Variants in STK39 observed in about 807,000 individuals in gnomAD.
STK39 encodes serine/threonine kinase 39.
A neutral mutation model predicts 77.8 loss-of-function variants in STK39; 20 were observed. The ratio of observed to expected loss-of-function variants is 0.26; its 90% CI spans 0.18 to 0.37. The LOEUF (loss-of-function observed/expected upper bound fraction) is 0.37, where lower values mean the gene tolerates loss of function less well. STK39 is among the 10% of genes least tolerant of loss of function. STK39 has a pLI of 1.00. For synonymous variants in STK39, 246 were observed against 234.1 expected (o/e 1.05, Z -0.47); for missense variants, 479 against 656.5 (o/e 0.73, Z 2.95).
intron 14 of STK39, among the ~76,000 whole-genome samples, chr2:168,023,049 A>G (rs918063618): frequency 1.3e-5 from 2 of 152,076 alleles, no homozygotes; most frequent in Non-Finnish European, 2.9e-5. Flanking sequence ...TGAGCAGCTT[A>G]AACTATGGGC....
In STK39 at chr2:168,229,129, G is replaced by C. The variant is rs370937331; in HGVS notation, c.208+18099C>G. ...TCACACCTGTAATATCAACACTTTG[G>C]GAGGTCAAGGCGGGTGGATCACAAG... On this transcript the variant is annotated intron_variant, in intron 1 of 17. Transcript: ENST00000355999. Among the ~76,000 whole-genome samples, 21 of 152,064 alleles carry C rather than the reference G, an allele frequency of 1.4e-4. No homozygotes were observed. The East Asian group carries it at 2.1e-3, about 15-fold the overall frequency.
At chr2:168,209,249 A>C (rs1399024580) in intron 1 of STK39, among the ~76,000 whole-genome samples, 1 of 152,220 alleles carries the variant, frequency 6.6e-6, no homozygotes, top group East Asian at 1.9e-4. Context: ...ACTTTTAATA[A>C]GTTAGATTTT....
chr2:168,206,337 G>C (rs1027856280), intron 1 of STK39, among the ~76,000 whole-genome samples: 2 of 133,180 alleles, frequency 1.5e-5, no homozygotes, highest in African/African-American at 5.7e-5. Context: ...TTTCTTTCTT[G>C]TTGCCCAGGC....
chr2:168,226,716 A>AG (rs777947842), intron 1 of STK39, among the ~76,000 whole-genome samples: 1 of 151,914 alleles, frequency 6.6e-6, no homozygotes, highest in Non-Finnish European at 1.5e-5. Context: ...TCTCACTATA[A>AG]CTCCCTCTTA....
At chr2:168,165,213 A>G (rs1441520183) in intron 3 of STK39, among the ~76,000 whole-genome samples, 1 of 152,204 alleles carries the variant, frequency 6.6e-6, no homozygotes, top group Non-Finnish European at 1.5e-5. Context: ...AAAATGAACA[A>G]GAGTCCACGT....
At chr2:167,992,381 C>T (rs1574373647) in intron 16 of STK39, among the ~76,000 whole-genome samples, 1 of 152,022 alleles carries the variant, frequency 6.6e-6, no homozygotes, top group South Asian at 2.1e-4. Flanking sequence ...TGTAGGCCAC[C>T]AGGTTGTAAC....
At chr2:168,014,032 G>A (rs1011127432) in intron 15 of STK39, among the ~76,000 whole-genome samples, 4 of 151,020 alleles carry the variant, frequency 2.6e-5, no homozygotes, top group East Asian at 1.9e-4. Flanking sequence ...GAGAAACTGT[G>A]GTATTCTGCC....
chr2:168,111,802 G>A (rs1165846712), intron 10 of STK39, among the ~76,000 whole-genome samples: 1 of 152,134 alleles, frequency 6.6e-6, no homozygotes, highest in Admixed American at 6.6e-5. Context: ...GATATGCAAT[G>A]TAAGAGCTTT....
chr2:168,099,387 T>C (rs1686760731), intron 10 of STK39, among the ~76,000 whole-genome samples: 2 of 152,242 alleles, frequency 1.3e-5, no homozygotes, highest in African/African-American at 4.8e-5. Context: ...CTTTGTTAGC[T>C]TTTTATTAAT....
chr2:168,006,921 C>A (rs926848721), intron 16 of STK39, among the ~76,000 whole-genome samples: 1 of 152,128 alleles, frequency 6.6e-6, no homozygotes, highest in Non-Finnish European at 1.5e-5. Context: ...TCGCGAAGGT[C>A]GGCACACTAA....
intron 1 of STK39, among the ~76,000 whole-genome samples, chr2:168,220,519 C>T (rs749502420): frequency 2.6e-5 from 4 of 152,130 alleles, no homozygotes; most frequent in Non-Finnish European, 4.4e-5. Flanking sequence ...CTTGGCAGAG[C>T]AGCGATTAAT....
At chr2:168,015,974 C>T (rs1051527822) in intron 15 of STK39, among the ~76,000 whole-genome samples, 7 of 152,194 alleles carry the variant, frequency 4.6e-5, no homozygotes, top group African/African-American at 1.7e-4. Context: ...GTCACCCAGG[C>T]TGGATCGCAG....
chr2:167,993,093 A>G (rs13410387), intron 16 of STK39, among the ~76,000 whole-genome samples: 18,975 of 152,312 alleles, frequency 0.12, 1,384 homozygotes, highest in Middle Eastern at 0.19. Flanking sequence ...ATATAAAAGC[A>G]ACGTAATAAG....
At chr2:168,043,134 T>C (rs1161418774) in intron 14 of STK39, among the ~76,000 whole-genome samples, 5 of 152,182 alleles carry the variant, frequency 3.3e-5, no homozygotes, top group African/African-American at 9.6e-5. Context: ...CTGACGGCTA[T>C]GAATACAAAA....
chr2:168,084,232 A>G (rs1396081375), intron 10 of STK39, among the ~76,000 whole-genome samples: 1 of 152,206 alleles, frequency 6.6e-6, no homozygotes, highest in Non-Finnish European at 1.5e-5. Context: ...AGCAGAGCAG[A>G]GGATGTGCTA....
intron 10 of STK39, among the ~76,000 whole-genome samples, chr2:168,085,757 T>C (rs888781330): frequency 2.6e-5 from 4 of 152,208 alleles, no homozygotes; most frequent in African/African-American, 4.8e-5. Flanking sequence ...ATCTTGCCAC[T>C]TCACTACCAA....
At chr2:168,006,037 T>C (rs898117830) in intron 16 of STK39, among the ~76,000 whole-genome samples, 2 of 152,148 alleles carry the variant, frequency 1.3e-5, no homozygotes, top group Non-Finnish European at 2.9e-5. Flanking sequence ...AGCTCCCTTC[T>C]CAGGAAACAG....
chr2:168,020,016 T>C (rs1684532120), intron 14 of STK39, among the ~76,000 whole-genome samples: 1 of 152,148 alleles, frequency 6.6e-6, no homozygotes. Flanking sequence ...AGTTTCTTAA[T>C]AAACTACCAA....
In STK39 at chr2:168,147,507, T is replaced by A. The variant is rs190094931; in HGVS notation, c.629-6749A>T. 5.3e-4 allele frequency among the ~76,000 whole-genome samples: 80 copies of A among 152,358 alleles called. 2 individuals are homozygous for A. In the East Asian group the frequency reaches 0.011, roughly 21 times the overall value. ...AACAGACTAAAGAGAGCATTTTTTT[T>A]AACCATGTATTTCCTTATTTTCATA... is the stretch of plus-strand genomic sequence containing the variant. On this transcript the variant is annotated intron_variant, in intron 5 of 17. Transcript: ENST00000355999.
Sources: allele counts gnomAD v4.1 joint callset (sites outside exome capture counted in the v4.1 genomes callset), GRCh38; gene constraint gnomAD v4.1.1; transcripts MANE v1.5; gene names NCBI Gene and HGNC (gene_info 2026-07-23, HGNC 2026-07-21).